The following AFAP1L1 variants were observed in gnomAD, a reference collection of about 807,000 sequenced individuals.
AFAP1L1 encodes the protein actin filament-associated protein 1-like 1.
AFAP1L1 carries 77 observed loss-of-function variants against 99.8 expected under a neutral mutation model. That is an observed-to-expected ratio of 0.77 (90% confidence interval 0.64 to 0.93). The LOEUF is 0.93. Among genes scored for constraint, AFAP1L1 ranks in the 40% least tolerant of loss-of-function variants. AFAP1L1 has a pLI of 0.00. For synonymous variants in AFAP1L1, 373 were observed against 395.3 expected, an observed-to-expected ratio of 0.94 and a Z score of 0.67; for missense variants, 893 against 996.8, an observed-to-expected ratio of 0.90 and a Z score of 1.40.
intron 16 of AFAP1L1, among the ~76,000 whole-genome samples, chr5:149,330,845 G>A (rs1206797748): frequency 2.0e-5 from 3 of 151,986 alleles, no homozygotes; most frequent in Non-Finnish European, 2.9e-5. Context: ...GCACCATAAG[G>A]GCAAGGATCT....
At chr5:149,280,418 C>T (rs1242920925) in intron 1 of AFAP1L1, among the ~76,000 whole-genome samples, 1 of 151,984 alleles carries the variant, frequency 6.6e-6, no homozygotes, top group Non-Finnish European at 1.5e-5. Context: ...GTGGAGCCTA[C>T]TGAAAATACA....
intron 1 of AFAP1L1, among the ~76,000 whole-genome samples, chr5:149,278,549 A>T (rs1038318386): frequency 6.6e-6 from 1 of 152,238 alleles, no homozygotes; most frequent in Non-Finnish European, 1.5e-5. Context: ...CCCTCCAGGA[A>T]GCCTTTTCTG....
intron 1 of AFAP1L1, among the ~76,000 whole-genome samples, chr5:149,278,834 C>G (rs140842555): frequency 6.4e-4 from 97 of 152,298 alleles, no homozygotes; most frequent in African/African-American, 2.3e-3. Flanking sequence ...TTTTGTGGTG[C>G]TTGCCCCTCT....
Position 149,307,589 on chromosome 5 carries a change from G to A in AFAP1L1, c.723G>A (p.Thr241=), listed in dbSNP as rs17854053. The change falls in exon 7 of 19, where the codon ACG becomes ACA. Residue 241 remains threonine, a synonymous_variant. Transcript: ENST00000296721. ...TCGGGCAGTGGGCCAAGCAGCTGAC[G>A]GTCATCAGGGAGGACCAGCTCCTGG... ...KRFGQWAKQL[T]VIREDQLLCY... 0.044 allele frequency: 70,940 copies of A among 1,612,556 alleles called. 1,717 individuals carry two copies. Among genetic ancestry groups the A allele is most frequent in the African/African-American group, 0.051 (3,798 of 74,944 alleles).
chr5:149,288,593 C>T (rs1028867983), intron 1 of AFAP1L1, among the ~76,000 whole-genome samples: 7 of 152,168 alleles, frequency 4.6e-5, no homozygotes, highest in South Asian at 2.1e-4. Flanking sequence ...GAGGAGTGCG[C>T]GTGTGTGTCA....
At chr5:149,272,097 G>C in intron 1 of AFAP1L1, 113 bp downstream of exon 1, 1 of 1,064,310 alleles carries the variant, frequency 9.4e-7, no homozygotes, top group Non-Finnish European at 1.2e-6. Context: ...GGCGGGGGCT[G>C]AGGAACGCTC....
At chr5:149,294,675 AC>A (rs1455756772) in intron 1 of AFAP1L1, among the ~76,000 whole-genome samples, 3 of 152,198 alleles carry the variant, frequency 2.0e-5, no homozygotes, top group African/African-American at 7.2e-5. Flanking sequence ...GAGGGCCTTC[AC>A]GCAGGAATTT....
intron 1 of AFAP1L1, 146 bp from the exon 2 acceptor site, chr5:149,299,363 A>T (rs770326003): frequency 5.5e-5 from 59 of 1,065,472 alleles, no homozygotes; most frequent in Non-Finnish European, 7.4e-5. Flanking sequence ...CAGGTCTGGG[A>T]CAGCTGAGAG....
chr5:149,309,137 C>T lies in AFAP1L1; in HGVS notation c.748-819C>T, dbSNP rs533487705. 2.0e-5 allele frequency among the ~76,000 whole-genome samples: 3 copies of T among 152,118 alleles called. No homozygotes were observed. The South Asian group carries it at 6.2e-4, about 32-fold the overall frequency. On this transcript the variant is annotated intron_variant, in intron 7 of 18. Coordinates refer to ENST00000296721, the MANE Select transcript of AFAP1L1 (RefSeq NM_152406.4). ...AAACATAATAATAATAATAATTTAC[C>T]ATTCAGGATGACATTTGCTGTGGGT...
In AFAP1L1 at chr5:149,310,137, T is replaced by C; in HGVS notation, c.927+2T>C. The stretch of plus-strand genomic sequence containing the variant: ...GAGCAGGCCGAGGAGTGGCTGAAGG[T>C]GCGTGGCCTGCACCTGACCTTCCCG... On this transcript the variant is annotated splice_donor_variant, in intron 8 of 18. Coordinates refer to ENST00000296721, the MANE Select transcript of AFAP1L1 (RefSeq NM_152406.4). LOFTEE classifies it high-confidence loss of function. 6.3e-7 allele frequency: 1 copy of C among 1,588,130 alleles called. No homozygotes were observed. Among genetic ancestry groups the C allele is most frequent in the Non-Finnish European group, 8.6e-7 (1 of 1,165,892 alleles).
At chr5:149,291,003 G>A (rs1755836417) in intron 1 of AFAP1L1, among the ~76,000 whole-genome samples, 1 of 152,226 alleles carries the variant, frequency 6.6e-6, no homozygotes, top group South Asian at 2.1e-4. Context: ...ATCTTGCCAT[G>A]TGAAGTGCCA....
At chr5:149,322,844 T>C in intron 15 of AFAP1L1, 127 bp downstream of exon 15, 1 of 723,446 alleles carries the variant, frequency 1.4e-6, no homozygotes, top group Admixed American at 2.9e-5. Flanking sequence ...AAGAAAATAC[T>C]CTACCGTAAG....
Position 149,332,733 on chromosome 5 carries a change from C to T in AFAP1L1, c.2014C>T (p.Leu672=), listed in dbSNP as rs767375829. ...GGCTCTGGAAGAAGCCGTGGCCACC[C>T]TGGAAGCTCAGTGTCGGGCAAAGGA... ...LKALEEAVAT[L]EAQCRAKEER... Residue 672 remains leucine (L), a synonymous_variant, in exon 17 of 19, where the codon CTG becomes TTG. Transcript: ENST00000296721. 1.2e-6 allele frequency: 2 copies of T among 1,613,892 alleles called. No homozygotes were observed. The highest frequency in any genetic ancestry group is 1.7e-6 in the Non-Finnish European group (2 of 1,179,996).
chr5:149,301,303 T>C, intron 4 of AFAP1L1, 73 bp downstream of exon 4: 3 of 1,426,146 alleles, frequency 2.1e-6, no homozygotes, highest in Non-Finnish European at 2.9e-6. Context: ...GCTCTCCCCT[T>C]CCCACTGGGT....
chr5:149,303,079 T>C (rs1170278868), intron 5 of AFAP1L1, among the ~76,000 whole-genome samples: 2 of 152,202 alleles, frequency 1.3e-5, no homozygotes, highest in African/African-American at 4.8e-5. Flanking sequence ...GGCAGAAATA[T>C]CAGAAGCTTT....
chr5:149,299,285 A>G (rs1180237984), intron 1 of AFAP1L1, among the ~76,000 whole-genome samples: 1 of 152,194 alleles, frequency 6.6e-6, no homozygotes, highest in Non-Finnish European at 1.5e-5. Flanking sequence ...CATCTGAGGT[A>G]GAGTGGGGAG....
intron 5 of AFAP1L1, among the ~76,000 whole-genome samples, chr5:149,304,707 C>T (rs1296779940): frequency 6.6e-6 from 1 of 152,184 alleles, no homozygotes; most frequent in Non-Finnish European, 1.5e-5. Context: ...GCCCCCTCAC[C>T]CTTCCCTACT....
rs961882796 is a variant in AFAP1L1 at position 149,320,490 on chromosome 5, A to C, written c.1698+27A>C. ...TACAGTCCCTTGGGGCTGCCCAGGA[A>C]TGTGGCAAAGGCCACTTATTAGCTC... On this transcript the variant is annotated intron_variant, in intron 14 of 18. Coordinates refer to ENST00000296721, the MANE Select transcript of AFAP1L1 (RefSeq NM_152406.4). This position sits in a 1 kb window ranked among gnomAD's most constrained non-coding sequence, Gnocchi z 4.0. 1 of 1,610,536 alleles carries C rather than the reference A, an allele frequency of 6.2e-7. No homozygotes were observed. Among genetic ancestry groups the C allele is most frequent in the Non-Finnish European group, 8.5e-7 (1 of 1,176,812 alleles).
intron 16 of AFAP1L1, among the ~76,000 whole-genome samples, chr5:149,330,613 CTTGTTCTG>C (rs1276677874): frequency 6.7e-6 from 1 of 149,820 alleles, no homozygotes; most frequent in African/African-American, 2.6e-5. Context: ...AAGGAGAAGA[CTTGTTCTG>C]TGTGGCCAAG....
Sources: gnomAD v4.1 joint callset for allele counts (sites outside exome capture counted in the v4.1 genomes callset) on GRCh38, gnomAD v4.1.1 for gene constraint, Gnocchi (gnomAD v3.1) non-coding constraint, MANE v1.5 for transcripts, NCBI Gene and HGNC (gene_info 2026-07-23, HGNC 2026-07-21) for gene names.